The following SLC24A2 variants were observed in gnomAD, a reference collection of about 807,000 sequenced individuals.
SLC24A2 encodes the protein sodium/potassium/calcium exchanger 2.
SLC24A2 carries 36 observed loss-of-function variants against 62.0 expected under a neutral mutation model. The observed-to-expected ratio is 0.58, with a 90% CI of 0.44 to 0.77. The LOEUF (loss-of-function observed/expected upper bound fraction) is 0.77. SLC24A2 is among the 30% of genes least tolerant of loss of function. The probability of loss-of-function intolerance (pLI) is 0.00; values close to 1 mark genes in which losing one functional copy is unlikely to be tolerated. For synonymous variants in SLC24A2, 358 were observed against 294.0 expected, an observed-to-expected ratio of 1.22 and a Z score of -2.23; for missense variants, 846 against 817.9, an observed-to-expected ratio of 1.03 and a Z score of -0.42.
intron 9 of SLC24A2, among the ~76,000 whole-genome samples, chr9:19,523,043 G>T (rs1006158892): frequency 6.6e-6 from 1 of 152,138 alleles, no homozygotes; most frequent in Non-Finnish European, 1.5e-5. Context: ...TATTTGCTGG[G>T]CACAATGCCA....
At chr9:19,880,909 G>A in the SLC24A2 span, among the ~76,000 whole-genome samples, 1 of 152,136 alleles carries the variant, frequency 6.6e-6, no homozygotes, top group Non-Finnish European at 1.5e-5. Flanking sequence ...GTGCTTAAAA[G>A]CAGCTACTCT....
chr9:19,619,502 G>T, intron 4 of SLC24A2, 82 bp downstream of exon 4: 1 of 1,115,264 alleles, frequency 9.0e-7, no homozygotes, highest in Non-Finnish European at 1.4e-6. Context: ...CATGACGACA[G>T]CACAAACACG....
chr9:19,573,263 C>T (rs1835890384), intron 7 of SLC24A2, 88 bp downstream of exon 7: 2 of 897,882 alleles, frequency 2.2e-6, no homozygotes, highest in South Asian at 1.3e-5. Flanking sequence ...AGAGCTGGGG[C>T]TTCCAAGGAG....
chr9:19,955,898 C>G, the SLC24A2 span, among the ~76,000 whole-genome samples: 1 of 152,184 alleles, frequency 6.6e-6, no homozygotes, highest in Non-Finnish European at 1.5e-5. Flanking sequence ...ACTAAATTTT[C>G]TCCCTTACAA....
At chr9:19,542,663 TGAA>T (rs1185207181) in intron 8 of SLC24A2, among the ~76,000 whole-genome samples, 1 of 152,240 alleles carries the variant, frequency 6.6e-6, no homozygotes, top group Non-Finnish European at 1.5e-5. Flanking sequence ...GAATTTTTGT[TGAA>T]GGACTTTTCT....
At chr9:20,186,229 G>C in the SLC24A2 span, among the ~76,000 whole-genome samples, 2 of 152,078 alleles carry the variant, frequency 1.3e-5, no homozygotes, top group Admixed American at 1.3e-4. Context: ...TGTTTCTGAG[G>C]CTCATCTCTA....
chr9:19,527,377 T>C (rs1331861916), intron 9 of SLC24A2, among the ~76,000 whole-genome samples: 3 of 152,212 alleles, frequency 2.0e-5, no homozygotes, highest in South Asian at 2.1e-4. Flanking sequence ...ACCTGCTTCA[T>C]AGGCTTTGAA....
chr9:20,271,109 G>A, the SLC24A2 span, among the ~76,000 whole-genome samples: 1 of 152,196 alleles, frequency 6.6e-6, no homozygotes. Flanking sequence ...TGTCTCCAAG[G>A]AGTCCTTCCC....
At chr9:20,094,943 G>A in the SLC24A2 span, among the ~76,000 whole-genome samples, 1 of 152,112 alleles carries the variant, frequency 6.6e-6, no homozygotes, top group Non-Finnish European at 1.5e-5. Flanking sequence ...AAGTTTGGGT[G>A]TAGTAGTTTT....
At chr9:19,665,421 G>A (rs1341095055) in intron 2 of SLC24A2, among the ~76,000 whole-genome samples, 1 of 152,122 alleles carries the variant, frequency 6.6e-6, no homozygotes, top group Non-Finnish European at 1.5e-5. Flanking sequence ...GGGTAACTGG[G>A]TGGGTGTTTA....
the SLC24A2 span, among the ~76,000 whole-genome samples, chr9:19,895,431 G>T: frequency 6.6e-6 from 1 of 152,000 alleles, no homozygotes; most frequent in South Asian, 2.1e-4. Flanking sequence ...AGTCCTGCTG[G>T]CATTGTCAGT....
chr9:20,011,314 A>G, the SLC24A2 span, among the ~76,000 whole-genome samples: 2 of 152,204 alleles, frequency 1.3e-5, no homozygotes, highest in Non-Finnish European at 2.9e-5. Flanking sequence ...AACTGGTGTG[A>G]GATGGTATCT....
intron 2 of SLC24A2, among the ~76,000 whole-genome samples, chr9:19,783,226 G>C (rs1456732244): frequency 5.3e-5 from 8 of 152,140 alleles, no homozygotes; most frequent in Admixed American, 5.2e-4. Context: ...TGACTTTTTT[G>C]CAAGAACCAT....
chr9:19,746,095 T>C (rs543457093), intron 2 of SLC24A2, among the ~76,000 whole-genome samples: 2 of 149,182 alleles, frequency 1.3e-5, no homozygotes, highest in Non-Finnish European at 3.0e-5. Context: ...CTCCAATCTG[T>C]TTTTTTTTCT....
At chr9:20,060,200 G>A in the SLC24A2 span, among the ~76,000 whole-genome samples, 1 of 151,962 alleles carries the variant, frequency 6.6e-6, no homozygotes, top group African/African-American at 2.4e-5. Context: ...GGACCAGATG[G>A]CTTTGCTGGT....
At chr9:19,525,123 G>C (rs1052591443) in intron 9 of SLC24A2, among the ~76,000 whole-genome samples, 2 of 152,038 alleles carry the variant, frequency 1.3e-5, no homozygotes, top group Non-Finnish European at 2.9e-5. Context: ...ATGACTCCAA[G>C]GCACAGAGAA....
the SLC24A2 span, among the ~76,000 whole-genome samples, chr9:20,053,606 T>A: frequency 6.6e-6 from 1 of 152,040 alleles, no homozygotes; most frequent in Non-Finnish European, 1.5e-5. Flanking sequence ...GATGATTAGG[T>A]CATGAGGGTG....
the SLC24A2 span, among the ~76,000 whole-genome samples, chr9:20,284,546 A>G: frequency 1.3e-5 from 2 of 152,024 alleles, no homozygotes; most frequent in African/African-American, 4.8e-5. Flanking sequence ...TTTTTGTGGT[A>G]TAGTCAAGCC....
At chr9:19,790,530 C>CAAAAA (rs3086381), upstream of SLC24A2, among the ~76,000 whole-genome samples, 28 of 122,384 alleles carry the variant, frequency 2.3e-4, no homozygotes, top group East Asian at 1.2e-3. Context: ...ATTTGAGCAT[C>CAAAAA]AAAAAAAAAA....
Sources: allele counts gnomAD v4.1 joint callset (sites outside exome capture counted in the v4.1 genomes callset), GRCh38; gene constraint gnomAD v4.1.1; transcripts MANE v1.5; gene names NCBI Gene and HGNC (gene_info 2026-07-23, HGNC 2026-07-21).